The following SEC14L1 variants were observed in gnomAD, a reference collection of about 807,000 sequenced individuals.
SEC14L1 encodes the protein SEC14-like protein 1.
Under a neutral mutation model 85.3 loss-of-function variants are expected in SEC14L1, and 48 were observed. The observed-to-expected ratio is 0.56, with a 90% CI of 0.45 to 0.72. The LOEUF (loss-of-function observed/expected upper bound fraction) is 0.72. Ranked by LOEUF, SEC14L1 falls within the 30% of genes least tolerant of loss-of-function variation. The pLI is 0.00. For synonymous variants in SEC14L1, 391 were observed against 355.5 expected (o/e 1.10, Z -1.12); for missense variants, 682 against 921.4 (o/e 0.74, Z 3.36).
At chr17:77,169,846 A>G (rs1974449585) in intron 3 of SEC14L1, among the ~76,000 whole-genome samples, 1 of 152,148 alleles carries the variant, frequency 6.6e-6, no homozygotes, top group Non-Finnish European at 1.5e-5. Context: ...ACAGGGTTAC[A>G]CTGTTGGAGT....
chr17:77,143,049 C>T (rs1445271614), intron 2 of SEC14L1, among the ~76,000 whole-genome samples: 2 of 152,208 alleles, frequency 1.3e-5, no homozygotes, highest in African/African-American at 2.4e-5. Context: ...GGAATTGACA[C>T]GTTTCCTTTG....
At chr17:77,091,722 G>A (rs532381278) in intron 2 of SEC14L1, among the ~76,000 whole-genome samples, 29 of 152,082 alleles carry the variant, frequency 1.9e-4, no homozygotes, top group Non-Finnish European at 2.9e-4. Flanking sequence ...TCTTCCTCCC[G>A]TCTTGGCTGA....
rs138555675 is a variant in SEC14L1, at chr17:77,190,962, G to A, written c.213+10G>A. The A allele has an allele frequency of 6.4e-5, 103 of 1,613,510 alleles. No individual in the cohort carries two copies. The African/African-American group carries it at 1.2e-3, about 19-fold the overall frequency. ...CAGACTGCTGAAGAAGGTAAAGGTC[G>A]GAAAGGACGTCTTGGAGGGAAAGGG... On this transcript the variant is annotated intron_variant, in intron 4 of 16. Transcript: ENST00000436233.
At chr17:77,125,524 A>G (rs1972423420) in intron 3 of SEC14L1, among the ~76,000 whole-genome samples, 1 of 152,188 alleles carries the variant, frequency 6.6e-6, no homozygotes, top group Admixed American at 6.5e-5. Flanking sequence ...TAGAGGAATA[A>G]ATGGAACATT....
intron 3 of SEC14L1, chr17:77,185,532 G>GT: frequency 3.3e-6 from 1 of 301,198 alleles, no homozygotes; most frequent in African/African-American, 2.3e-5. Flanking sequence ...TGGAAGGATG[G>GT]TGTGTGTATT....
At chr17:77,167,257 C>G (rs1371076554) in intron 3 of SEC14L1, among the ~76,000 whole-genome samples, 1 of 151,688 alleles carries the variant, frequency 6.6e-6, no homozygotes, top group Non-Finnish European at 1.5e-5. Flanking sequence ...GCCTCAGCCA[C>G]CTGAGTAGCT....
chr17:77,211,736 A>T (rs1322296813), intron 14 of SEC14L1: 4 of 611,642 alleles, frequency 6.5e-6, no homozygotes, highest in Non-Finnish European at 1.1e-5. Flanking sequence ...GTCACAAAGA[A>T]CACAGAGCTT....
chr17:77,166,449 A>G (rs900949299), intron 3 of SEC14L1, among the ~76,000 whole-genome samples: 14 of 152,146 alleles, frequency 9.2e-5, no homozygotes, highest in African/African-American at 3.4e-4. Context: ...TGGTAACTGG[A>G]GTGGGGCAGA....
At chr17:77,124,643 G>A (rs1168685222) in intron 3 of SEC14L1, among the ~76,000 whole-genome samples, 2 of 152,176 alleles carry the variant, frequency 1.3e-5, no homozygotes, top group Non-Finnish European at 2.9e-5. Flanking sequence ...TTAAAGGCTT[G>A]GCCAAGATAA....
chr17:77,126,033 C>T (rs1424041882), intron 3 of SEC14L1, among the ~76,000 whole-genome samples: 1 of 152,204 alleles, frequency 6.6e-6, no homozygotes, highest in African/African-American at 2.4e-5. Context: ...TGCCTGTAAT[C>T]CCAGCTACTT....
At chr17:77,141,327 T>TCGCCCCCCTCCCCCGCCCCC (rs1567889313) in intron 1 of SEC14L1, 2 of 24,562 alleles carry the variant, frequency 8.1e-5, no homozygotes, top group Admixed American at 5.5e-4. Context: ...TCGCCGCCCC[T>TCGCCCCCCTCCCCCGCCCCC]CGCCCCCCTC....
At chr17:77,124,909 C>G (rs1972397131) in intron 3 of SEC14L1, among the ~76,000 whole-genome samples, 1 of 151,882 alleles carries the variant, frequency 6.6e-6, no homozygotes, top group Non-Finnish European at 1.5e-5. Flanking sequence ...TAAGCTTTAT[C>G]TTATATTGAG....
intron 3 of SEC14L1, among the ~76,000 whole-genome samples, chr17:77,133,437 G>C (rs1357103643): frequency 6.6e-6 from 1 of 152,206 alleles, no homozygotes; most frequent in Non-Finnish European, 1.5e-5. Flanking sequence ...AGGTCAGCTC[G>C]AGGCGGCCAA....
At chr17:77,176,233 C>T (rs1438760619) in intron 3 of SEC14L1, among the ~76,000 whole-genome samples, 1 of 151,234 alleles carries the variant, frequency 6.6e-6, no homozygotes, top group Non-Finnish European at 1.5e-5. Context: ...GAGGTTGCAG[C>T]GAGCCGAGAT....
chr17:77,114,637 C>A (rs560448564), intron 3 of SEC14L1, among the ~76,000 whole-genome samples: 2 of 151,432 alleles, frequency 1.3e-5, no homozygotes, highest in East Asian at 3.9e-4. Flanking sequence ...GAGTTCGAGA[C>A]CAGCCTGGCC....
At position 77,181,691 on chromosome 17, in the gene SEC14L1, C is replaced by T. The variant is rs1975046433; in HGVS notation, c.64-9112C>T. ...TCAGCCTCCCAAAGTGCTGGGGTTACAGGCGTGAGCCACCCCACCCAGCTA... is the reference window on the plus strand; with the variant it reads ...TCAGCCTCCCAAAGTGCTGGGGTTATAGGCGTGAGCCACCCCACCCAGCTA... On this transcript the variant is annotated intron_variant, in intron 3 of 16. Transcript: ENST00000436233. 3.3e-5 allele frequency among the ~76,000 whole-genome samples: 5 copies of T among 152,238 alleles called. No homozygotes were observed. The South Asian group carries it at 8.3e-4, about 25-fold the overall frequency.
intron 2 of SEC14L1, chr17:77,089,780 C>G (rs1971461527): frequency 4.8e-6 from 1 of 210,292 alleles, no homozygotes; most frequent in African/African-American, 2.4e-5. Context: ...CTTTGGGAGG[C>G]CGAGGCGGGT....
chr17:77,115,202 G>A (rs1436163570), intron 3 of SEC14L1, among the ~76,000 whole-genome samples: 3 of 151,924 alleles, frequency 2.0e-5, no homozygotes, highest in Admixed American at 6.6e-5. Context: ...AGGCCGAGGT[G>A]GGTGGATCAT....
chr17:77,180,369 G>A (rs2143737309), intron 3 of SEC14L1, among the ~76,000 whole-genome samples: 1 of 152,130 alleles, frequency 6.6e-6, no homozygotes, highest in Non-Finnish European at 1.5e-5. Context: ...TGGGATTATA[G>A]GAGTGAGCCA....
Sources: allele counts gnomAD v4.1 joint callset (sites outside exome capture counted in the v4.1 genomes callset), GRCh38; gene constraint gnomAD v4.1.1; transcripts MANE v1.5; gene names NCBI Gene and HGNC (gene_info 2026-07-23, HGNC 2026-07-21).